The following CGB1 variants were observed in gnomAD, a reference collection of about 807,000 sequenced individuals.
CGB1 encodes the protein chorionic gonadotropin subunit beta 1.
In CGB1, 4 loss-of-function variants were observed where a neutral mutation model predicts 7.0. The observed-to-expected ratio is 0.57, with a 90% CI of 0.28 to 1.31. The LOEUF is 1.31. Among genes scored for constraint, CGB1 ranks in the 50% most tolerant of loss-of-function variants. The pLI, the probability that CGB1 is intolerant of heterozygous loss-of-function variation, is 0.10. For synonymous variants in CGB1, 72 were observed against 96.4 expected, an observed-to-expected ratio of 0.75 and a Z score of 1.48; for missense variants, 139 against 219.1, an observed-to-expected ratio of 0.63 and a Z score of 2.31.
chr19:49,036,306 G>T lies in CGB1; in HGVS notation c.10-3C>A. 6.2e-7 allele frequency: 1 copy of T among 1,605,350 alleles called. No individual in the cohort carries two copies. The highest frequency in any genetic ancestry group is 8.5e-7 in the Non-Finnish European group (1 of 1,179,672). The stretch of plus-strand genomic sequence containing the variant: ...AGCAGCAGCAACAGCAGCAGCCTCT[G>T]GGGCAAGGACACTGCTTCACCCGGG... On this transcript the variant is annotated splice_polypyrimidine_tract_variant and splice_region_variant and intron_variant, in intron 1 of 2. Transcript: ENST00000301407.
chr19:49,036,852 A>G lies in CGB1; in HGVS notation c.-141T>C, dbSNP rs969506134. The G allele has an allele frequency of 2.2e-5, 27 of 1,215,908 alleles. No homozygotes were observed. Among genetic ancestry groups the G allele is most frequent in the Middle Eastern group, 3.8e-4 (2 of 5,278 alleles). The allele number at this position is 1,215,908 out of a possible 1,614,324, so 75.3% of individuals were successfully genotyped here. On this transcript the variant is annotated 5_prime_UTR_variant, in exon 1 of 3. Coordinates refer to ENST00000301407, the MANE Select transcript of CGB1 (RefSeq NM_033377.2). ...AACCTGGCCAGAGTCAGCGGACCCA[A>G]TTGGCTGCTCTCTCTCAGATGCAGT...
At position 49,035,607 on chromosome 19, in the gene CGB1, G is replaced by A; in HGVS notation, c.*3C>T. On this transcript the variant is annotated 3_prime_UTR_variant, in exon 3 of 3. Transcript: ENST00000301407. ...GCCTTTATTGTGGGAGGATCGGGGT[G>A]TCCTAGGGCCCCGGGAGACGGGATG... is the stretch of plus-strand genomic sequence containing the variant. The A allele has an allele frequency of 6.2e-7, 1 of 1,611,866 alleles. No homozygotes were observed. Among genetic ancestry groups the A allele is most frequent in the Non-Finnish European group, 8.5e-7 (1 of 1,179,918 alleles).
rs2039826399 is a variant in CGB1 at position 49,036,809 on chromosome 19, T to C, written c.-98A>G. On this transcript the variant is annotated 5_prime_UTR_variant, in exon 1 of 3. Transcript: ENST00000301407. ...GGGGAGTGAGACAGGGAGTGAGGGGTGTTGGACGCGGCACGGGAACCTGGC... is the reference window on the plus strand; with the variant it reads ...GGGGAGTGAGACAGGGAGTGAGGGGCGTTGGACGCGGCACGGGAACCTGGC... 1 of 1,577,472 alleles carries C rather than the reference T, an allele frequency of 6.3e-7. No homozygotes were observed. The highest frequency in any genetic ancestry group is 1.1e-5 in the South Asian group (1 of 90,274).
chr19:49,036,871 A>G lies in CGB1; in HGVS notation c.-160T>C, dbSNP rs2039828094. On this transcript the variant is annotated 5_prime_UTR_variant, in exon 1 of 3. Coordinates refer to ENST00000301407, the MANE Select transcript of CGB1 (RefSeq NM_033377.2). Reference sequence around the variant, plus strand: ...GACCCAATTGGCTGCTCTCTCTCAGATGCAGTTCCCCTTCCTCCCTCCAGG... The same window carrying G: ...GACCCAATTGGCTGCTCTCTCTCAGGTGCAGTTCCCCTTCCTCCCTCCAGG... 7.9e-6 allele frequency: 8 copies of G among 1,016,876 alleles called. No individual in the cohort carries two copies. The highest frequency in any genetic ancestry group is 1.2e-5 in the Non-Finnish European group (8 of 666,084). 63.0% of individuals were successfully genotyped at this position (1,016,876 alleles called of 1,614,324 possible). A position where few individuals can be genotyped will look rare whatever the true frequency, so the allele number is the denominator to read the frequency against.
intron 1 of CGB1, 78 bp downstream of exon 1, chr19:49,036,625 T>G: frequency 6.2e-7 from 1 of 1,613,820 alleles, no homozygotes; most frequent in Non-Finnish European, 8.5e-7. Context: ...TGGAAGGAGG[T>G]GGAAGGTGCC....
chr19:49,036,360 T>A, intron 1 of CGB1, 57 bp from the exon 2 acceptor site: 4 of 1,602,098 alleles, frequency 2.5e-6, no homozygotes, highest in Non-Finnish European at 3.4e-6. Context: ...AGTCCTGGCC[T>A]TCCCATCCCG....
intron 1 of CGB1, 40 bp from the exon 2 acceptor site, chr19:49,036,343 A>C: frequency 6.2e-7 from 1 of 1,602,888 alleles, no homozygotes; most frequent in Non-Finnish European, 8.5e-7. Flanking sequence ...CTGAGACTGC[A>C]GCCCCCAGTC....
At chr19:49,036,436 C>A (rs2122148551) in intron 1 of CGB1, 133 bp from the exon 2 acceptor site, 2 of 1,571,530 alleles carry the variant, frequency 1.3e-6, no homozygotes, top group Middle Eastern at 2.3e-4. Flanking sequence ...ACCCACCACC[C>A]GGACACCTGC....
In CGB1 at chr19:49,036,764, A is replaced by G; in HGVS notation, c.-53T>C. 6.2e-7 allele frequency: 1 copy of G among 1,613,096 alleles called. No individual in the cohort carries two copies. Among genetic ancestry groups the G allele is most frequent in the Non-Finnish European group, 8.5e-7 (1 of 1,179,166 alleles). On this transcript the variant is annotated 5_prime_UTR_variant, in exon 1 of 3. Transcript: ENST00000301407. ...CAAGCACTGGGAATGTGGACATGGA[A>G]AGTAAATTGAGTCTCCGTGGGGGAG...
intron 2 of CGB1, 32 bp from the exon 3 acceptor site, chr19:49,035,932 G>C (rs1374488203): frequency 5.9e-6 from 7 of 1,192,478 alleles, no homozygotes; most frequent in Middle Eastern, 2.9e-4. Context: ...GAATGAGCAT[G>C]TGCCTGGGGC....
At chr19:49,036,368 C>T in intron 1 of CGB1, 65 bp from the exon 2 acceptor site, 8 of 1,601,814 alleles carry the variant, frequency 5.0e-6, no homozygotes, top group South Asian at 1.1e-5. Flanking sequence ...CCTTCCCATC[C>T]CGCATGGTAC....
At chr19:49,036,509 C>G (rs1439594678) in intron 1 of CGB1, 194 bp downstream of exon 1, 22 of 1,588,956 alleles carry the variant, frequency 1.4e-5, no homozygotes, top group African/African-American at 2.7e-5. Context: ...GATCCGCACC[C>G]TCAGGAACTG....
Position 49,036,818 on chromosome 19 carries a change from C to T in CGB1, c.-107G>A, listed in dbSNP as rs1327253886. 1.9e-6 allele frequency: 3 copies of T among 1,546,774 alleles called. No individual in the cohort carries two copies. The highest frequency in any genetic ancestry group is 2.3e-5 in the East Asian group (1 of 44,364). ...GACAGGGAGTGAGGGGTGTTGGACG[C>T]GGCACGGGAACCTGGCCAGAGTCAG... On this transcript the variant is annotated 5_prime_UTR_variant, in exon 1 of 3. Transcript: ENST00000301407.
Position 49,036,861 on chromosome 19 carries a change from T to G in CGB1, c.-150A>C. 1 of 1,120,164 alleles carries G rather than the reference T, an allele frequency of 8.9e-7. No homozygotes were observed. Among genetic ancestry groups the G allele is most frequent in the Admixed American group, 1.9e-5 (1 of 52,268 alleles). The allele number at this position is 1,120,164 out of a possible 1,614,324, so 69.4% of individuals were successfully genotyped here. A position where few individuals can be genotyped will look rare whatever the true frequency, so the allele number is the denominator to read the frequency against. On this transcript the variant is annotated 5_prime_UTR_variant, in exon 1 of 3. Coordinates refer to ENST00000301407, the MANE Select transcript of CGB1 (RefSeq NM_033377.2). ...AGAGTCAGCGGACCCAATTGGCTGCTCTCTCTCAGATGCAGTTCCCCTTCC... is the reference window on the plus strand; with the variant it reads ...AGAGTCAGCGGACCCAATTGGCTGCGCTCTCTCAGATGCAGTTCCCCTTCC...
intron 1 of CGB1, 69 bp from the exon 2 acceptor site, chr19:49,036,372 A>C (rs369059984): frequency 4.1e-5 from 65 of 1,601,536 alleles, no homozygotes; most frequent in Non-Finnish European, 1.5e-5. Flanking sequence ...CCCATCCCGC[A>C]TGGTACACCA....
chr19:49,036,492 C>A, intron 1 of CGB1, 189 bp from the exon 2 acceptor site: 1 of 1,564,656 alleles, frequency 6.4e-7, no homozygotes. Flanking sequence ...GATACCCCAA[C>A]ATTTCAGATC....
chr19:49,036,548 C>T (rs1232883419), intron 1 of CGB1, 155 bp downstream of exon 1: 2 of 1,609,732 alleles, frequency 1.2e-6, no homozygotes, highest in Non-Finnish European at 1.7e-6. Context: ...GGGGGTCACG[C>T]TCCTCCAGAA....
chr19:49,036,851 A>T lies in CGB1; in HGVS notation c.-140T>A, dbSNP rs1405321829. 3 of 1,226,790 alleles carry T rather than the reference A, an allele frequency of 2.4e-6. No individual in the cohort carries two copies. The highest frequency in any genetic ancestry group is 2.4e-5 in the East Asian group (1 of 41,824). The allele number at this position is 1,226,790 out of a possible 1,614,324, so 76.0% of individuals were successfully genotyped here. A position where few individuals can be genotyped will look rare whatever the true frequency, so the allele number is the denominator to read the frequency against. The stretch of plus-strand genomic sequence containing the variant: ...GAACCTGGCCAGAGTCAGCGGACCC[A>T]ATTGGCTGCTCTCTCTCAGATGCAG... On this transcript the variant is annotated 5_prime_UTR_variant, in exon 1 of 3. Coordinates refer to ENST00000301407, the MANE Select transcript of CGB1 (RefSeq NM_033377.2).
At chr19:49,036,451 C>G in intron 1 of CGB1, 148 bp from the exon 2 acceptor site, 1 of 1,561,238 alleles carries the variant, frequency 6.4e-7, no homozygotes, top group Non-Finnish European at 8.6e-7. Context: ...ACCTGCCTTT[C>G]AGAGCCCACC....
Sources: gnomAD v4.1 joint callset for allele counts on GRCh38, gnomAD v4.1.1 for gene constraint, MANE v1.5 for transcripts, NCBI Gene and HGNC (gene_info 2026-07-23, HGNC 2026-07-21) for gene names.